Variants in ASPH observed in about 807,000 individuals in gnomAD.
ASPH encodes aspartyl/asparaginyl beta-hydroxylase.
Under a neutral mutation model 118.4 loss-of-function variants are expected in ASPH, and 100 were observed. The ratio of observed to expected loss-of-function variants is 0.84; its 90% confidence interval spans 0.72 to 1.00. ASPH has a LOEUF of 1.00. ASPH is among the 50% of genes least tolerant of loss of function. The pLI is 0.00. For missense variants in ASPH, 920 were observed against 919.5 expected (o/e 1.00, Z -0.01); for synonymous variants, 315 against 325.6 (o/e 0.97, Z 0.35).
chr8:61,706,366 C>T (rs999484483), intron 1 of ASPH, among the ~76,000 whole-genome samples: 1 of 125,948 alleles, frequency 7.9e-6, no homozygotes, highest in African/African-American at 3.1e-5. Flanking sequence ...AAGGCTGCCA[C>T]AGCACTGCAG....
At chr8:61,669,923 AGTGCT>A (rs575925239) in intron 3 of ASPH, among the ~76,000 whole-genome samples, 10 of 152,326 alleles carry the variant, frequency 6.6e-5, no homozygotes, top group African/African-American at 2.4e-4. Context: ...AAAAATAAAC[AGTGCT>A]GTGCTTTATT....
intron 20 of ASPH, 69 bp from the exon 21 acceptor site, chr8:61,548,277 G>T: frequency 6.8e-7 from 1 of 1,473,448 alleles, no homozygotes; most frequent in South Asian, 1.4e-5. Flanking sequence ...TTTTAAAATT[G>T]AAAACATTAA....
At chr8:61,672,428 T>C (rs375676755) in intron 3 of ASPH, among the ~76,000 whole-genome samples, 13 of 152,134 alleles carry the variant, frequency 8.5e-5, no homozygotes, top group East Asian at 5.8e-4. Context: ...CTGAAGACTT[T>C]TGTTAGCATA....
chr8:61,661,848 T>A, intron 3 of ASPH: 1 of 413,736 alleles, frequency 2.4e-6, no homozygotes. Context: ...CAAGTGTTCA[T>A]GCTGATTGAT....
At chr8:61,621,537 A>G (rs930823332) in intron 13 of ASPH, among the ~76,000 whole-genome samples, 2 of 152,174 alleles carry the variant, frequency 1.3e-5, no homozygotes, top group African/African-American at 4.8e-5. Flanking sequence ...TATGAACCTC[A>G]CTGTGCCAAA....
intron 1 of ASPH, among the ~76,000 whole-genome samples, chr8:61,704,009 A>C (rs1000569880): frequency 6.6e-6 from 1 of 151,470 alleles, no homozygotes; most frequent in Non-Finnish European, 1.5e-5. Flanking sequence ...TCCCGGCTAA[A>C]ACGGTGAAAC....
At chr8:61,689,924 G>T in intron 1 of ASPH, 1 of 1,146,466 alleles carries the variant, frequency 8.7e-7, no homozygotes, top group Non-Finnish European at 1.1e-6. Context: ...TTAGGCTGAA[G>T]TGCACTCCCT....
intron 3 of ASPH, chr8:61,658,398 A>T (rs940981469): frequency 2.0e-5 from 3 of 152,280 alleles, no homozygotes; most frequent in African/African-American, 7.2e-5. Flanking sequence ...GCACCAATGA[A>T]GGGACTCAAC....
chr8:61,530,225 A>C (rs941220985), intron 21 of ASPH, among the ~76,000 whole-genome samples: 42 of 152,234 alleles, frequency 2.8e-4, no homozygotes, highest in African/African-American at 1.0e-3. Flanking sequence ...ATTTCATAAA[A>C]CTGAAAGAGA....
chr8:61,622,591 T>C (rs1198187181), intron 13 of ASPH, among the ~76,000 whole-genome samples: 1 of 152,212 alleles, frequency 6.6e-6, no homozygotes, highest in African/African-American at 2.4e-5. Flanking sequence ...AGTCTCCTTC[T>C]CTACTAGCAC....
intron 15 of ASPH, among the ~76,000 whole-genome samples, chr8:61,580,429 A>G (rs1157496926): frequency 6.6e-6 from 1 of 152,208 alleles, no homozygotes; most frequent in Non-Finnish European, 1.5e-5. Flanking sequence ...CCAAACCTCA[A>G]TTCCTGACTT....
intron 1 of ASPH, 154 bp from the exon 2 acceptor site, chr8:61,684,342 A>G (rs534684625): frequency 1.3e-6 from 1 of 790,702 alleles, no homozygotes; most frequent in African/African-American, 1.7e-5. Flanking sequence ...GTCACACAAA[A>G]TATTTCTGAA....
chr8:61,567,377 C>T, intron 16 of ASPH, 59 bp from the exon 17 acceptor site: 2 of 1,466,522 alleles, frequency 1.4e-6, no homozygotes, highest in Non-Finnish European at 1.8e-6. Context: ...TGTAATTACC[C>T]AAAATATTCA....
chr8:61,523,541 T>C (rs1814054373), intron 22 of ASPH, among the ~76,000 whole-genome samples: 1 of 152,070 alleles, frequency 6.6e-6, no homozygotes, highest in Non-Finnish European at 1.5e-5. Context: ...TGTCTTGAAC[T>C]CCTGACCTCA....
intron 3 of ASPH, among the ~76,000 whole-genome samples, chr8:61,673,941 T>C (rs1288023408): frequency 6.6e-6 from 1 of 152,206 alleles, no homozygotes; most frequent in African/African-American, 2.4e-5. Flanking sequence ...TGAGAGGTGG[T>C]ACAAAATAAG....
intron 1 of ASPH, among the ~76,000 whole-genome samples, chr8:61,712,715 T>C (rs1265652705): frequency 3.9e-5 from 6 of 152,232 alleles, no homozygotes; most frequent in African/African-American, 9.6e-5. Flanking sequence ...CAAATAGTTA[T>C]GGGGTAGGTC....
chr8:61,605,244 C>T lies in ASPH; in HGVS notation c.976+13734G>A, dbSNP rs1845207611. Among the ~76,000 whole-genome samples the T allele has an allele frequency of 2.6e-5, 4 of 152,282 alleles. No homozygotes were observed. In the South Asian group the frequency reaches 8.3e-4, roughly 32 times the overall value. On this transcript the variant is annotated intron_variant, in intron 14 of 24. Coordinates refer to ENST00000379454, the MANE Select transcript of ASPH (RefSeq NM_004318.4). ...CATTAAGAGCCTCTTAGAAAAGGAA[C>T]ATACACAAGCAATATCAGATTACTC... is the stretch of plus-strand genomic sequence containing the variant.
chr8:61,636,514 C>A (rs1857827744), intron 12 of ASPH, among the ~76,000 whole-genome samples: 1 of 152,064 alleles, frequency 6.6e-6, no homozygotes, highest in African/African-American at 2.4e-5. Flanking sequence ...CCTCACTGTC[C>A]ACTCAGGCAC....
At chr8:61,556,592 C>T (rs1224547933) in intron 18 of ASPH, among the ~76,000 whole-genome samples, 3 of 152,066 alleles carry the variant, frequency 2.0e-5, no homozygotes, top group Admixed American at 2.0e-4. Context: ...GTGATAAAAC[C>T]CAGGTAAATA....
Sources: allele counts gnomAD v4.1 joint callset (sites outside exome capture counted in the v4.1 genomes callset), GRCh38; gene constraint gnomAD v4.1.1; transcripts MANE v1.5; gene names NCBI Gene and HGNC (gene_info 2026-07-23, HGNC 2026-07-21).